ROCK1: variants seen among roughly 807,000 people sequenced by gnomAD.
ROCK1 encodes rho-associated protein kinase 1.
In ROCK1, 36 loss-of-function variants were observed where a neutral mutation model predicts 196.8. The ratio of observed to expected loss-of-function variants is 0.18; its 90% CI spans 0.14 to 0.24. The LOEUF is 0.24. Among genes scored for constraint, ROCK1 ranks in the 10% least tolerant of loss-of-function variants. The probability of loss-of-function intolerance (pLI) is 1.00; values close to 1 mark genes in which losing one functional copy is unlikely to be tolerated. For missense variants in ROCK1, 920 were observed against 1,562.0 expected (o/e 0.59, Z 6.93); for synonymous variants, 443 against 515.9 (o/e 0.86, Z 1.91).
At chr18:20,998,073 G>A (rs2035688455) in intron 16 of ROCK1, among the ~76,000 whole-genome samples, 1 of 152,056 alleles carries the variant, frequency 6.6e-6, no homozygotes. Context: ...CTGACCTCAA[G>A]TGATCCACCC....
chr18:21,031,827 T>C lies in ROCK1; in HGVS notation c.1052-2892A>G, dbSNP rs187175554. ...GAAATTCTAGCACTGAAAAGTACAA[T>C]AGCTGAAGTTAAAATTTCACTAGAA... On this transcript the variant is annotated intron_variant, in intron 9 of 32. Coordinates refer to ENST00000399799, the MANE Select transcript of ROCK1 (RefSeq NM_005406.3). Among the ~76,000 whole-genome samples the C allele has an allele frequency of 2.0e-3, 308 of 151,890 alleles. 1 individual carries two copies. Among genetic ancestry groups the C allele is most frequent in the African/African-American group, 6.9e-3 (284 of 41,428 alleles).
At chr18:21,071,182 T>TTGC (rs2036381879) in intron 1 of ROCK1, among the ~76,000 whole-genome samples, 1 of 682 alleles carries the variant, frequency 1.5e-3, no homozygotes, top group Admixed American at 0.056. Flanking sequence ...TTTTTTCTGC[T>TTGC]TTTTTTTTTT....
chr18:21,027,698 A>C (rs189028001), intron 10 of ROCK1, among the ~76,000 whole-genome samples: 163 of 147,452 alleles, frequency 1.1e-3, no homozygotes, highest in Admixed American at 2.8e-3. Context: ...GTCACAGTGG[A>C]GGTAATACTA....
Position 21,049,789 on chromosome 18 carries a change from T to C in ROCK1, c.267A>G (p.Glu89=). Residue 89 remains glutamate (E), a synonymous_variant, in exon 3 of 33, where the codon GAA becomes GAG. Transcript: ENST00000399799. ...CATTAAAATAACCTACCAATTGAAC[T>C]TCTCCAAATGCACCTCTACCAATCA... ...VKVIGRGAFG[E]VQLVRHKSTR... The C allele has an allele frequency of 1.3e-6, 2 of 1,587,078 alleles. No individual in the cohort carries two copies. Among genetic ancestry groups the C allele is most frequent in the Non-Finnish European group, 1.7e-6 (2 of 1,160,638 alleles).
chr18:20,968,972 A>C (rs1315830925), intron 24 of ROCK1, 112 bp from the exon 25 acceptor site: 1 of 913,364 alleles, frequency 1.1e-6, no homozygotes, highest in Admixed American at 2.2e-5. Context: ...AGTAACTTTC[A>C]GTAACTTCAT....
intron 18 of ROCK1, among the ~76,000 whole-genome samples, chr18:20,990,199 T>G (rs1289985211): frequency 6.6e-6 from 1 of 152,048 alleles, no homozygotes; most frequent in Non-Finnish European, 1.5e-5. Context: ...TAGGGTTGTG[T>G]TTGGAGGCAT....
intron 9 of ROCK1, among the ~76,000 whole-genome samples, chr18:21,039,025 A>G (rs1028194853): frequency 6.6e-6 from 1 of 152,198 alleles, no homozygotes; most frequent in Admixed American, 6.5e-5. Flanking sequence ...TATCCTATAA[A>G]CTCATAAATA....
chr18:21,027,951 T>A (rs1365202341), intron 10 of ROCK1, among the ~76,000 whole-genome samples: 2 of 144,604 alleles, frequency 1.4e-5, no homozygotes, highest in African/African-American at 5.0e-5. Context: ...TTAGTAGAGA[T>A]GGGGTTTCAC....
At chr18:21,075,004 A>G (rs1280681319) in intron 1 of ROCK1, among the ~76,000 whole-genome samples, 1 of 152,208 alleles carries the variant, frequency 6.6e-6, no homozygotes, top group Non-Finnish European at 1.5e-5. Flanking sequence ...AAAGGTGAGA[A>G]GGAGATGAAG....
intron 21 of ROCK1, among the ~76,000 whole-genome samples, chr18:20,981,897 A>G (rs2035536597): frequency 6.6e-6 from 1 of 152,282 alleles, no homozygotes; most frequent in African/African-American, 2.4e-5. Flanking sequence ...AGGGATAAAA[A>G]GAAAAATAAT....
chr18:20,959,958 C>A, intron 28 of ROCK1, 30 bp from the exon 29 acceptor site: 4 of 1,363,304 alleles, frequency 2.9e-6, no homozygotes, highest in South Asian at 1.2e-5. Context: ...GGAAGAGTTA[C>A]AAGAGCAACA....
intron 10 of ROCK1, among the ~76,000 whole-genome samples, chr18:21,028,030 G>A (rs1259890309): frequency 6.8e-6 from 1 of 147,378 alleles, no homozygotes; most frequent in African/African-American, 2.5e-5. Context: ...CAAAGTGCTG[G>A]GATTACAGGC....
chr18:20,960,415 A>G (rs1186151455), intron 27 of ROCK1, among the ~76,000 whole-genome samples: 2 of 152,146 alleles, frequency 1.3e-5, no homozygotes, highest in African/African-American at 2.4e-5. Context: ...CACTTTTCCC[A>G]TACAATTTAA....
chr18:21,091,216 T>C (rs2036567247), intron 1 of ROCK1, among the ~76,000 whole-genome samples: 1 of 152,168 alleles, frequency 6.6e-6, no homozygotes, highest in African/African-American at 2.4e-5. Context: ...GAGATCTACC[T>C]CCACTTAATG....
At chr18:21,030,741 T>C (rs547899197) in intron 9 of ROCK1, among the ~76,000 whole-genome samples, 2 of 152,282 alleles carry the variant, frequency 1.3e-5, no homozygotes, top group South Asian at 4.1e-4. Flanking sequence ...TAAACATCAG[T>C]ATATATTTGT....
intron 22 of ROCK1, among the ~76,000 whole-genome samples, chr18:20,975,854 G>A (rs1197508121): frequency 1.3e-5 from 2 of 152,000 alleles, no homozygotes; most frequent in Admixed American, 6.6e-5. Context: ...ATTGTGATCC[G>A]CCTGCCTCGG....
intron 29 of ROCK1, among the ~76,000 whole-genome samples, chr18:20,958,550 C>G (rs1441719036): frequency 1.3e-5 from 2 of 151,808 alleles, no homozygotes; most frequent in African/African-American, 4.8e-5. Flanking sequence ...TATTATAGGC[C>G]TCTTTGACCT....
chr18:21,029,476 C>T (rs1022667206), intron 9 of ROCK1, among the ~76,000 whole-genome samples: 2 of 152,068 alleles, frequency 1.3e-5, no homozygotes, highest in African/African-American at 2.4e-5. Context: ...CCCAATATCT[C>T]CATAAGATTA....
At chr18:21,053,248 C>T (rs1054657698) in intron 2 of ROCK1, among the ~76,000 whole-genome samples, 1 of 152,072 alleles carries the variant, frequency 6.6e-6, no homozygotes, top group African/African-American at 2.4e-5. Context: ...GTGAATAAAC[C>T]ACTCATACAC....
Sources: allele counts gnomAD v4.1 joint callset (sites outside exome capture counted in the v4.1 genomes callset), GRCh38; gene constraint gnomAD v4.1.1; transcripts MANE v1.5; gene names NCBI Gene and HGNC (gene_info 2026-07-23, HGNC 2026-07-21).